LHFPL3: variants seen among roughly 807,000 people sequenced by gnomAD.
LHFPL3 encodes LHFPL tetraspan subfamily member 3.
A neutral mutation model predicts 19.3 loss-of-function variants in LHFPL3; 5 were observed. The observed-to-expected ratio is 0.26, with a 90% CI of 0.14 to 0.54. LHFPL3 has a LOEUF of 0.54. Among genes scored for constraint, LHFPL3 ranks in the 20% least tolerant of loss-of-function variants. LHFPL3 has a pLI of 0.94. For missense variants in LHFPL3, 249 were observed against 307.4 expected (o/e 0.81, Z 1.42); for synonymous variants, 133 against 126.2 (o/e 1.05, Z -0.36).
chr7:104,713,117 A>C (rs1432500899), intron 1 of LHFPL3, among the ~76,000 whole-genome samples: 1 of 152,192 alleles, frequency 6.6e-6, no homozygotes, highest in Admixed American at 6.5e-5. Context: ...TAGAAACTTT[A>C]AGCTCTGCTG....
chr7:104,778,185 C>T (rs113111571), intron 2 of LHFPL3, among the ~76,000 whole-genome samples: 4 of 152,268 alleles, frequency 2.6e-5, no homozygotes, highest in African/African-American at 9.6e-5. Context: ...TTTTAGAAAC[C>T]AGAAGATTGA....
intron 1 of LHFPL3, among the ~76,000 whole-genome samples, chr7:104,456,967 A>G (rs1439539249): frequency 6.6e-6 from 1 of 152,196 alleles, no homozygotes; most frequent in Non-Finnish European, 1.5e-5. Context: ...CACAGAAAAC[A>G]AAATTATGGG....
intron 2 of LHFPL3, among the ~76,000 whole-genome samples, chr7:104,867,181 G>C (rs917935059): frequency 5.3e-5 from 8 of 152,132 alleles, no homozygotes; most frequent in African/African-American, 1.9e-4. Context: ...AGAAGCAAGA[G>C]CAAGCACATT....
Position 104,906,503 on chromosome 7 carries a change from A to G in LHFPL3, c.*288A>G, listed in dbSNP as rs1473111580. On this transcript the variant is annotated 3_prime_UTR_variant, in exon 3 of 3. Transcript: ENST00000424859. ...ACGTTCATGAAAAATCATATTCAGG[A>G]AATAAGGAAGAGGAATATAAATGCT... The G allele has an allele frequency of 2.3e-6, 1 of 436,736 alleles. No individual in the cohort carries two copies. The highest frequency in any genetic ancestry group is 2.0e-5 in the African/African-American group (1 of 49,984). The allele number at this position is 436,736 out of a possible 1,614,324, so 27.1% of individuals were successfully genotyped here. A position where few individuals can be genotyped will look rare whatever the true frequency, so the allele number is the denominator to read the frequency against.
At chr7:104,744,307 A>G (rs1360617376) in intron 2 of LHFPL3, 2 of 152,188 alleles carry the variant, frequency 1.3e-5, no homozygotes, top group Admixed American at 6.5e-5. Flanking sequence ...TTGGATATTA[A>G]CTTTATAAAA....
intron 2 of LHFPL3, among the ~76,000 whole-genome samples, chr7:104,891,753 G>A (rs1792250531): frequency 6.6e-6 from 1 of 152,234 alleles, no homozygotes; most frequent in Admixed American, 6.5e-5. Flanking sequence ...GGACAAAGCA[G>A]AAATGATATG....
chr7:104,905,078 C>T (rs960095634), intron 2 of LHFPL3, among the ~76,000 whole-genome samples: 1 of 152,042 alleles, frequency 6.6e-6, no homozygotes, highest in Non-Finnish European at 1.5e-5. Flanking sequence ...ACGTCAGCCC[C>T]TTGAGTAGCT....
At chr7:104,749,549 A>T (rs1358511184) in intron 2 of LHFPL3, among the ~76,000 whole-genome samples, 2 of 152,276 alleles carry the variant, frequency 1.3e-5, no homozygotes, top group Admixed American at 6.5e-5. Context: ...CTTTAGATCA[A>T]TTATAATTAA....
chr7:104,756,368 G>T (rs1794285994), intron 2 of LHFPL3, among the ~76,000 whole-genome samples: 1 of 152,104 alleles, frequency 6.6e-6, no homozygotes, highest in Non-Finnish European at 1.5e-5. Flanking sequence ...ATACAAAATT[G>T]TCAGTTACAA....
At chr7:104,344,635 A>G (rs1287455221) in intron 1 of LHFPL3, among the ~76,000 whole-genome samples, 1 of 152,194 alleles carries the variant, frequency 6.6e-6, no homozygotes, top group Non-Finnish European at 1.5e-5. Context: ...TGCTGTATGT[A>G]TATATGCCAC....
chr7:104,672,127 G>A (rs1364175048), intron 1 of LHFPL3, among the ~76,000 whole-genome samples: 3 of 151,816 alleles, frequency 2.0e-5, no homozygotes, highest in Non-Finnish European at 2.9e-5. Context: ...GTGTAGTAGG[G>A]TGTATGCAGG....
intron 1 of LHFPL3, among the ~76,000 whole-genome samples, chr7:104,539,268 C>T (rs1201844161): frequency 6.6e-6 from 1 of 152,068 alleles, no homozygotes; most frequent in African/African-American, 2.4e-5. Flanking sequence ...GAATGGAGAA[C>T]CCAAAGTTAG....
At chr7:104,670,866 GTT>G (rs71155517) in intron 1 of LHFPL3, among the ~76,000 whole-genome samples, 1 of 143,996 alleles carries the variant, frequency 6.9e-6, no homozygotes, top group Non-Finnish European at 1.5e-5. Context: ...GTTTTGTTTT[GTT>G]TTTTTTTTTT....
In LHFPL3 at chr7:104,575,559, T is replaced by TAAAA. The variant is rs58118006; in HGVS notation, c.446-161092_446-161089dup. On this transcript the variant is annotated intron_variant, in intron 1 of 2. Coordinates refer to ENST00000424859, the MANE Select transcript of LHFPL3 (RefSeq NM_199000.3). Reference sequence around the variant, plus strand: ...ACAGCTGATAGTGTCCAAAGAGATCTAAAAAAAAAAAAAAAAAAAAAAAAA... The same window carrying TAAAA: ...ACAGCTGATAGTGTCCAAAGAGATCTAAAAAAAAAAAAAAAAAAAAAAAAAAAAA... Among the ~76,000 whole-genome samples, 36 of 36,166 alleles carry TAAAA rather than the reference T, an allele frequency of 1.0e-3. 2 individuals carry two copies. Among genetic ancestry groups the TAAAA allele is most frequent in the African/African-American group, 2.6e-3 (33 of 12,742 alleles). The allele number at this position is 36,166 out of a possible 152,430, so 23.7% of individuals were successfully genotyped here. A position where few individuals can be genotyped will look rare whatever the true frequency, so the allele number is the denominator to read the frequency against.
intron 1 of LHFPL3, among the ~76,000 whole-genome samples, chr7:104,452,430 A>C (rs1792457806): frequency 6.6e-6 from 1 of 152,236 alleles, no homozygotes; most frequent in African/African-American, 2.4e-5. Flanking sequence ...CTTAGGATAC[A>C]TTCCTAGAAG....
chr7:104,389,111 T>C (rs1388264632), intron 1 of LHFPL3, among the ~76,000 whole-genome samples: 2 of 152,108 alleles, frequency 1.3e-5, no homozygotes, highest in Non-Finnish European at 2.9e-5. Context: ...TCCTTCCATA[T>C]AGAAAACCCT....
chr7:104,628,307 A>G (rs937302711), intron 1 of LHFPL3, among the ~76,000 whole-genome samples: 1 of 152,116 alleles, frequency 6.6e-6, no homozygotes, highest in African/African-American at 2.4e-5. Context: ...TGCAGCTACT[A>G]CCCTAGGCTA....
chr7:104,330,523 G>C (rs1008518315), intron 1 of LHFPL3, among the ~76,000 whole-genome samples: 10 of 152,168 alleles, frequency 6.6e-5, no homozygotes, highest in African/African-American at 2.4e-4. Flanking sequence ...TATATTGCTA[G>C]TTTGATAAGG....
rs571594256 is a variant in LHFPL3 at position 104,728,800 on chromosome 7, G to T, written c.446-7875G>T. On this transcript the variant is annotated intron_variant, in intron 1 of 2. Transcript: ENST00000424859. ...TAACATAAACCATGTCCCTTTCCTGGTCACTGTATCCCTAGCACCAAGAAC... is the reference window on the plus strand; with the variant it reads ...TAACATAAACCATGTCCCTTTCCTGTTCACTGTATCCCTAGCACCAAGAAC... 2.6e-5 allele frequency among the ~76,000 whole-genome samples: 4 copies of T among 152,056 alleles called. No homozygotes were observed. In the East Asian group the frequency reaches 5.8e-4, roughly 22 times the overall value.
Sources: allele counts gnomAD v4.1 joint callset (sites outside exome capture counted in the v4.1 genomes callset), GRCh38; gene constraint gnomAD v4.1.1; transcripts MANE v1.5; gene names NCBI Gene and HGNC (gene_info 2026-07-23, HGNC 2026-07-21).